Variants in ARHGEF10L observed in about 807,000 individuals in gnomAD.
ARHGEF10L encodes Rho guanine nucleotide exchange factor 10 like, also known as rho guanine nucleotide exchange factor 10-like protein.
A neutral mutation model predicts 141.2 loss-of-function variants in ARHGEF10L; 69 were observed. The ratio of observed to expected loss-of-function variants is 0.49; its 90% CI spans 0.40 to 0.60. The LOEUF (loss-of-function observed/expected upper bound fraction) is 0.60, where lower values mean the gene tolerates loss of function less well. ARHGEF10L is among the 20% of genes least tolerant of loss of function. ARHGEF10L has a pLI of 0.00. For missense variants in ARHGEF10L, 1,482 were observed against 1,734.3 expected (o/e 0.85, Z 2.58); for synonymous variants, 711 against 718.5 (o/e 0.99, Z 0.17).
intron 26 of ARHGEF10L, among the ~76,000 whole-genome samples, chr1:17,684,233 T>G (rs912586904): frequency 4.6e-5 from 7 of 152,350 alleles, no homozygotes; most frequent in African/African-American, 1.7e-4. Context: ...ATGGGAGGTT[T>G]CCTTCCTCCT....
At chr1:17,564,286 G>A (rs2077661164) in intron 1 of ARHGEF10L, among the ~76,000 whole-genome samples, 2 of 152,202 alleles carry the variant, frequency 1.3e-5, no homozygotes, top group African/African-American at 4.8e-5. Context: ...GGACCAGAAT[G>A]CCCAGGAGCT....
At chr1:17,541,364 T>C (rs1485109415) in intron 1 of ARHGEF10L, among the ~76,000 whole-genome samples, 1 of 152,218 alleles carries the variant, frequency 6.6e-6, no homozygotes, top group Non-Finnish European at 1.5e-5. Flanking sequence ...TGTCTGTCCT[T>C]GATCACAGCT....
intron 28 of ARHGEF10L, 83 bp from the exon 29 acceptor site, chr1:17,696,765 T>C (rs1407990374): frequency 2.2e-6 from 3 of 1,346,026 alleles, no homozygotes; most frequent in Non-Finnish European, 3.0e-6. Context: ...CCACCCAGAA[T>C]GTTCTCCAGG....
rs556380686 is a variant in ARHGEF10L, at chr1:17,639,808, A to C, written c.2172-394A>C. 1 of 1,308,160 alleles carries C rather than the reference A, an allele frequency of 7.6e-7. No homozygotes were observed. 81.0% of individuals were successfully genotyped at this position (1,308,160 alleles called of 1,614,324 possible). On this transcript the variant is annotated intron_variant, in intron 20 of 28. Coordinates refer to ENST00000361221, the MANE Select transcript of ARHGEF10L (RefSeq NM_018125.4). The surrounding 1 kb of genome is among the most constrained non-coding windows in gnomAD (Gnocchi z 4.3). ...ATGCCAGGTGCTGGGAACAGACCCA[A>C]GTGAGACCCATTCCTCCCTCTAGAG...
chr1:17,696,982 C>T lies in ARHGEF10L; in HGVS notation c.3442C>T (p.Pro1148Ser). 6.2e-7 allele frequency: 1 copy of T among 1,611,924 alleles called. No individual in the cohort carries two copies. The highest frequency in any genetic ancestry group is 2.2e-5 in the East Asian group (1 of 44,836). ...AEGPRAEEDK[P>S]DGQAHEPMPD... ...GGGGCCCCGGGCTGAGGAGGACAAGCCAGACGGGCAGGCACACGAGCCCAT... is the reference window on the plus strand; with the variant it reads ...GGGGCCCCGGGCTGAGGAGGACAAGTCAGACGGGCAGGCACACGAGCCCAT... Residue 1148 changes from proline to serine, a missense_variant, in exon 29 of 29, where the codon CCA (proline) becomes TCA (serine). Transcript: ENST00000361221.
intron 4 of ARHGEF10L, among the ~76,000 whole-genome samples, chr1:17,596,089 G>A (rs1398072376): frequency 1.3e-5 from 2 of 152,344 alleles, no homozygotes; most frequent in Non-Finnish European, 2.9e-5. Flanking sequence ...AACCCTGGCT[G>A]CATGCTGCAG....
At position 17,644,058 on chromosome 1, in the gene ARHGEF10L, C is replaced by T. The variant is rs1428376029; in HGVS notation, c.2272+3756C>T. 1.3e-5 allele frequency among the ~76,000 whole-genome samples: 2 copies of T among 152,208 alleles called. No individual in the cohort carries two copies. Among genetic ancestry groups the T allele is most frequent in the African/African-American group, 2.4e-5 (1 of 41,450 alleles). On this transcript the variant is annotated intron_variant, in intron 21 of 28. Transcript: ENST00000361221. This position sits in a 1 kb window ranked among gnomAD's most constrained non-coding sequence, Gnocchi z 4.5. ...ATTGCTGCCTCTTACCCTCCCCGGG[C>T]CCTTGGAGCTCCTCCCACCCATGGC... is the stretch of plus-strand genomic sequence containing the variant.
At chr1:17,678,501 C>T (rs2063868317) in intron 26 of ARHGEF10L, among the ~76,000 whole-genome samples, 1 of 147,586 alleles carries the variant, frequency 6.8e-6, no homozygotes. Flanking sequence ...CTCACTGCAA[C>T]ATCTGCCTCC....
the ARHGEF10L span, among the ~76,000 whole-genome samples, chr1:17,530,678 C>T: frequency 1.3e-5 from 2 of 152,160 alleles, no homozygotes; most frequent in Non-Finnish European, 2.9e-5. Context: ...AGGCTGCTTA[C>T]CTTTCCGGAC....
chr1:17,621,765 T>C lies in ARHGEF10L; in HGVS notation c.943-99T>C. The C allele has an allele frequency of 9.2e-7, 1 of 1,085,380 alleles. No individual in the cohort carries two copies. The highest frequency in any genetic ancestry group is 1.4e-6 in the Non-Finnish European group (1 of 708,738). The allele number at this position is 1,085,380 out of a possible 1,614,324, so 67.2% of individuals were successfully genotyped here. ...GGTCCCAGGTGGGACCTGGGAGGGATGGGTTTCTCTGTCCTATAGTTGTCA... is the reference window on the plus strand; with the variant it reads ...GGTCCCAGGTGGGACCTGGGAGGGACGGGTTTCTCTGTCCTATAGTTGTCA... On this transcript the variant is annotated intron_variant, in intron 10 of 28. Transcript: ENST00000361221. This position sits in a 1 kb window ranked among gnomAD's most constrained non-coding sequence, Gnocchi z 4.1.
the ARHGEF10L span, among the ~76,000 whole-genome samples, chr1:17,529,268 G>T: frequency 4.6e-5 from 7 of 152,210 alleles, no homozygotes; most frequent in Admixed American, 6.5e-5. Context: ...CTCCCAATGT[G>T]CTGGGTTTAC....
At chr1:17,634,586 G>A (rs2060890016) in intron 17 of ARHGEF10L, 24 bp downstream of exon 17, 1 of 1,600,026 alleles carries the variant, frequency 6.2e-7, no homozygotes, top group Non-Finnish European at 8.5e-7. Flanking sequence ...GGGGCTCCGG[G>A]GCTCTGGGGC....
Position 17,604,211 on chromosome 1 carries a change from C to T in ARHGEF10L, c.433+620C>T, listed in dbSNP as rs192097399. 1.1e-3 allele frequency among the ~76,000 whole-genome samples: 164 copies of T among 152,146 alleles called. 1 individual carries two copies. The highest frequency in any genetic ancestry group is 3.5e-3 in the African/African-American group (146 of 41,504). On this transcript the variant is annotated intron_variant, in intron 6 of 28. Transcript: ENST00000361221. ...CCTTCTCATTTTACAGACAAGGGAA[C>T]GGCAGAGGCAGGGCTAGGATTTGAA...
intron 1 of ARHGEF10L, among the ~76,000 whole-genome samples, chr1:17,542,621 T>G (rs1370720631): frequency 2.0e-5 from 3 of 152,206 alleles, no homozygotes; most frequent in Non-Finnish European, 4.4e-5. Flanking sequence ...CTATGATTAA[T>G]TTTGAAAAGA....
intron 21 of ARHGEF10L, among the ~76,000 whole-genome samples, chr1:17,646,798 G>A (rs74059389): frequency 0.038 from 5,705 of 152,006 alleles, 325 homozygotes; most frequent in African/African-American, 0.12. Context: ...CTCTGGGCCC[G>A]TCCCGGCGAG....
chr1:17,575,811 GTTCTGGTCCT>G (rs1204638771), intron 1 of ARHGEF10L, among the ~76,000 whole-genome samples: 1 of 152,228 alleles, frequency 6.6e-6, no homozygotes, highest in Non-Finnish European at 1.5e-5. Flanking sequence ...ACGTGGAGGA[GTTCTGGTCCT>G]GACCAGCCCA....
intron 22 of ARHGEF10L, among the ~76,000 whole-genome samples, chr1:17,649,920 C>A (rs1470417516): frequency 6.6e-6 from 1 of 152,124 alleles, no homozygotes; most frequent in African/African-American, 2.4e-5. Flanking sequence ...GGAGAGAGGG[C>A]GGGCCCCGAG....
At chr1:17,543,968 T>A (rs1240016817) in intron 1 of ARHGEF10L, among the ~76,000 whole-genome samples, 3 of 151,106 alleles carry the variant, frequency 2.0e-5, no homozygotes, top group Non-Finnish European at 4.4e-5. Flanking sequence ...ATTTTTGAGA[T>A]GGAGTTTCAC....
intron 21 of ARHGEF10L, 101 bp downstream of exon 21, chr1:17,640,403 G>A: frequency 1.0e-6 from 1 of 1,003,752 alleles, no homozygotes; most frequent in Middle Eastern, 3.1e-4. Context: ...GGTCAGCGGG[G>A]GGCAGGGAGG....
Sources: allele counts gnomAD v4.1 joint callset (sites outside exome capture counted in the v4.1 genomes callset), GRCh38; gene constraint gnomAD v4.1.1; non-coding constraint Gnocchi (gnomAD v3.1); transcripts MANE v1.5; gene names NCBI Gene and HGNC (gene_info 2026-07-23, HGNC 2026-07-21).